The following ZNF142 variants were observed in gnomAD, a reference collection of about 807,000 sequenced individuals.
ZNF142 encodes the protein zinc finger protein 142 (clone pHZ-49).
A neutral mutation model predicts 132.1 loss-of-function variants in ZNF142; 96 were observed. The observed-to-expected ratio is 0.73, with a 90% CI of 0.62 to 0.86. ZNF142 has a LOEUF of 0.86. Among genes scored for constraint, ZNF142 ranks in the 40% least tolerant of loss-of-function variants. The pLI is 0.00. For missense variants in ZNF142, 2,163 were observed against 2,336.2 expected (o/e 0.93, Z 1.53); for synonymous variants, 842 against 890.1 (o/e 0.95, Z 0.96).
At position 218,644,340 on chromosome 2, in the gene ZNF142, G is replaced by C. The variant is rs1340628293; in HGVS notation, c.2776C>G (p.Leu926Val). Reference sequence around the variant, plus strand: ...AGTCCATCTGGCCCTTCCAGTCCCAGGGGCCTGAACTCCATAGGGGCTGTT... The same window carrying C: ...AGTCCATCTGGCCCTTCCAGTCCCACGGGCCTGAACTCCATAGGGGCTGTT... Reference protein sequence around the residue: ...TETAPMEFRPLGLEGPDGLEG... With the variant: ...TETAPMEFRPVGLEGPDGLEG... Residue 926 changes from leucine to valine, a missense_variant, in exon 9 of 11, where the codon CTG (leucine) becomes GTG (valine). By Grantham distance (32) the Leu-to-Val change is conservative (BLOSUM62 1). Transcript: ENST00000411696. The surrounding 1 kb of genome is among the most constrained non-coding windows in gnomAD (Gnocchi z 4.6). 1 of 1,614,006 alleles carries C rather than the reference G, an allele frequency of 6.2e-7. No homozygotes were observed. Among genetic ancestry groups the C allele is most frequent in the East Asian group, 2.2e-5 (1 of 44,886 alleles).
At position 218,634,733 on chromosome 2, in the gene ZNF142, T is replaced by C. The variant is rs1664207488; in HGVS notation, c.*3606A>G. ...CGGAATGTAGAGGCCGGATAGCCTA[T>C]TAACAGTGTCTAGTTTTAGCTTTTG... is the stretch of plus-strand genomic sequence containing the variant. On this transcript the variant is annotated 3_prime_UTR_variant, in exon 11 of 11. Coordinates refer to ENST00000411696, the MANE Select transcript of ZNF142 (RefSeq NM_001379659.1). The surrounding 1 kb of genome is among the most constrained non-coding windows in gnomAD (Gnocchi z 4.0). The C allele has an allele frequency of 6.8e-6, 9 of 1,328,344 alleles. No homozygotes were observed. Among genetic ancestry groups the C allele is most frequent in the Non-Finnish European group, 1.0e-6 (1 of 963,680 alleles). 82.3% of individuals were successfully genotyped at this position (1,328,344 alleles called of 1,614,324 possible).
intron 3 of ZNF142, among the ~76,000 whole-genome samples, chr2:218,657,531 C>T (rs535672151): frequency 5.3e-5 from 8 of 152,228 alleles, no homozygotes; most frequent in Admixed American, 3.9e-4. Flanking sequence ...TGGGTTCAAG[C>T]GATTCTCCTG....
chr2:218,638,487 T>A lies in ZNF142; in HGVS notation c.5516A>T (p.His1839Leu), dbSNP rs762898553. 1.9e-6 allele frequency: 3 copies of A among 1,603,196 alleles called. No homozygotes were observed. The Admixed American group carries it at 5.0e-5, about 27-fold the overall frequency. The change falls in exon 11 of 11, where the codon CAC becomes CTC. Residue 1839 changes from histidine to leucine, a missense_variant. Around this residue, in one of 7 missense-constraint regions of ZNF142, gnomAD observed 325 missense variants for 367.8 expected, o/e 0.88. Transcript: ENST00000411696. ...TTGGTCAGGGTGGTGCCTGCGTACG[T>A]GCTTGACCACCTGGAACTTTTGCTT... ...KAKQKFQVVK[H>L]VRRHHPDQAD...
rs1575046629 is a variant in ZNF142 at position 218,635,957 on chromosome 2, G to A, written c.*2382C>T. ...GTGAGAAACTGGCAGTGCTGGGGAGGTGGGGGTAGGAGCATGATTAGTTTT... is the reference window on the plus strand; with the variant it reads ...GTGAGAAACTGGCAGTGCTGGGGAGATGGGGGTAGGAGCATGATTAGTTTT... On this transcript the variant is annotated 3_prime_UTR_variant, in exon 11 of 11. Transcript: ENST00000411696. 1 of 1,613,958 alleles carries A rather than the reference G, an allele frequency of 6.2e-7. No individual in the cohort carries two copies.
chr2:218,644,692 G>C lies in ZNF142; in HGVS notation c.2424C>G (p.Arg808=), dbSNP rs199870407. ...CCCCTTCTGGCTCCTGGCTTGCATA[G>C]CGGAGCTGCCAGGCCTGGTCTCCAG... ...YVPGDQAWQL[R]YASQEPEGAM... The change falls in exon 9 of 11, where the codon CGC becomes CGG. Residue 808 remains arginine (R), a synonymous_variant. Coordinates refer to ENST00000411696, the MANE Select transcript of ZNF142 (RefSeq NM_001379659.1). The surrounding 1 kb of genome is among the most constrained non-coding windows in gnomAD (Gnocchi z 4.6). The C allele has an allele frequency of 1.2e-6, 2 of 1,614,226 alleles. No homozygotes were observed. Among genetic ancestry groups the C allele is most frequent in the South Asian group, 2.2e-5 (2 of 91,090 alleles).
At position 218,644,838 on chromosome 2, in the gene ZNF142, G is replaced by GCA. The variant is rs776148785; in HGVS notation, c.2276_2277dup (p.Leu760CysfsTer2). The GCA allele has an allele frequency of 6.2e-7, 1 of 1,614,126 alleles. No homozygotes were observed. Among genetic ancestry groups the GCA allele is most frequent in the East Asian group, 2.2e-5 (1 of 44,902 alleles). On this transcript the variant is annotated frameshift_variant, in exon 9 of 11. Transcript: ENST00000411696. LOFTEE classifies it high-confidence loss of function. This position sits in a 1 kb window ranked among gnomAD's most constrained non-coding sequence, Gnocchi z 4.6. ...GTATGCTTGCAGTTCTCATGGCTCA[G>GCA]CACAGCCTGCTTGTGGCGGCTCTGG...
At chr2:218,649,967 A>G (rs1255235766) in intron 6 of ZNF142, among the ~76,000 whole-genome samples, 1 of 152,222 alleles carries the variant, frequency 6.6e-6, no homozygotes, top group Non-Finnish European at 1.5e-5. Context: ...ATGACTTTCA[A>G]ATATTCTACT....
At chr2:218,645,174 T>C (rs1391370293) in intron 8 of ZNF142, 110 bp from the exon 9 acceptor site, 1 of 1,344,048 alleles carries the variant, frequency 7.4e-7, no homozygotes, top group South Asian at 1.4e-5. Context: ...ATCATACATG[T>C]GTCACCTGAT....
chr2:218,634,247 GA>G lies in ZNF142; in HGVS notation c.*4091del, dbSNP rs1376360377. 3 of 1,595,660 alleles carry G rather than the reference GA, an allele frequency of 1.9e-6. No homozygotes were observed. In the African/African-American group the frequency reaches 4.0e-5, roughly 21 times the overall value. On this transcript the variant is annotated 3_prime_UTR_variant, in exon 11 of 11. Transcript: ENST00000411696. The surrounding 1 kb of genome is among the most constrained non-coding windows in gnomAD (Gnocchi z 4.0). The stretch of plus-strand genomic sequence containing the variant: ...GTGAGGAGGCAGCAGGGACTGGGAA[GA>G]GGGAGTGGAGGAGCAGCAGGTGGGA...
Position 218,636,773 on chromosome 2 carries a change from CCTTT to C in ZNF142, c.*1562_*1565del, listed in dbSNP as rs1414588089. On this transcript the variant is annotated 3_prime_UTR_variant, in exon 11 of 11. Coordinates refer to ENST00000411696, the MANE Select transcript of ZNF142 (RefSeq NM_001379659.1). ...CACCTTTTTTCTCTTTTCTTCCCTT[CCTTT>C]GTTTTCATAAGCCTTTGGTATCTTT... The C allele has an allele frequency of 1.1e-5, 7 of 664,254 alleles. No individual in the cohort carries two copies. The highest frequency in any genetic ancestry group is 4.9e-5 in the Admixed American group (2 of 40,870). The allele number at this position is 664,254 out of a possible 1,614,324, so 41.1% of individuals were successfully genotyped here. A position where few individuals can be genotyped will look rare whatever the true frequency, so the allele number is the denominator to read the frequency against.
Position 218,649,424 on chromosome 2 carries a change from TC to T in ZNF142, c.1083del (p.Thr362ProfsTer107). 1 of 1,609,966 alleles carries T rather than the reference TC, an allele frequency of 6.2e-7. No homozygotes were observed. Among genetic ancestry groups the T allele is most frequent in the Non-Finnish European group, 8.5e-7 (1 of 1,177,664 alleles). ...DVVSGTESLF[K>X]THMCPECKRC... ...CGCTTACACTCTGGACACATATGGGTCTTGAAGAGGGACTCGGTGCCAGAGA... is the reference window on the plus strand; with the variant it reads ...CGCTTACACTCTGGACACATATGGGTTTGAAGAGGGACTCGGTGCCAGAGA... On this transcript the variant is annotated frameshift_variant, in exon 7 of 11. Transcript: ENST00000411696. LOFTEE classifies it high-confidence loss of function.
rs535052100 is a variant in ZNF142, at chr2:218,658,036, G to A, written c.-35+665C>T. Among the ~76,000 whole-genome samples the A allele has an allele frequency of 1.3e-4, 20 of 152,056 alleles. No homozygotes were observed. In the East Asian group the frequency reaches 3.5e-3, roughly 26 times the overall value. On this transcript the variant is annotated intron_variant, in intron 3 of 10. Transcript: ENST00000411696. ...AAACCAGTGGTTCCTCACCTATAAC[G>A]TAACACATTTGGAGAAATTTCAAAC...
Position 218,644,876 on chromosome 2 carries a change from T to C in ZNF142, c.2240A>G (p.His747Arg). ...GTGGCGGCTCTGGTAACTGCAGTAG[T>C]GGCAAGGGTAGAGTGGGGCCGGTGT... ...PGTPAPLYPC[H>R]YCSYQSRHKQ... is the part of the protein sequence containing the mutation. The change falls in exon 9 of 11, where the codon CAC (histidine) becomes CGC (arginine). Residue 747 changes from histidine to arginine, a missense_variant. This residue lies in a region of ZNF142 where 749 missense variants were observed against 830.3 expected (regional missense o/e 0.90). Coordinates refer to ENST00000411696, the MANE Select transcript of ZNF142 (RefSeq NM_001379659.1). The surrounding 1 kb of genome is among the most constrained non-coding windows in gnomAD (Gnocchi z 4.6). 6.2e-7 allele frequency: 1 copy of C among 1,614,064 alleles called. No individual in the cohort carries two copies. The highest frequency in any genetic ancestry group is 2.2e-5 in the East Asian group (1 of 44,872).
intron 8 of ZNF142, 66 bp downstream of exon 8, chr2:218,646,105 T>C: frequency 6.4e-7 from 1 of 1,569,816 alleles, no homozygotes; most frequent in South Asian, 1.2e-5. Flanking sequence ...AGAAGTTAGA[T>C]CCGAGAGGAA....
At position 218,638,866 on chromosome 2, in the gene ZNF142, A is replaced by G. The variant is rs1162343891; in HGVS notation, c.5195-58T>C. The G allele has an allele frequency of 2.9e-6, 4 of 1,369,632 alleles. No homozygotes were observed. In the African/African-American group the frequency reaches 4.3e-5, roughly 15 times the overall value. 84.8% of individuals were successfully genotyped at this position (1,369,632 alleles called of 1,614,324 possible). A position where few individuals can be genotyped will look rare whatever the true frequency, so the allele number is the denominator to read the frequency against. On this transcript the variant is annotated intron_variant, in intron 10 of 10. Coordinates refer to ENST00000411696, the MANE Select transcript of ZNF142 (RefSeq NM_001379659.1). ...GCGGTGGAGCAAGGTTTACTGGGCCATGGAGTTACTGCAATCAGTGGATAT... is the reference window on the plus strand; with the variant it reads ...GCGGTGGAGCAAGGTTTACTGGGCCGTGGAGTTACTGCAATCAGTGGATAT...
At chr2:218,653,670 T>C (rs956303578) in intron 4 of ZNF142, among the ~76,000 whole-genome samples, 1 of 151,972 alleles carries the variant, frequency 6.6e-6, no homozygotes, top group Non-Finnish European at 1.5e-5. Flanking sequence ...CACAATTTGG[T>C]GTGTTTCTTT....
rs1259731798 is a variant in ZNF142, at chr2:218,636,840, CCTT to C, written c.*1496_*1498del. 6 of 545,614 alleles carry C rather than the reference CCTT, an allele frequency of 1.1e-5. No homozygotes were observed. The highest frequency in any genetic ancestry group is 2.1e-5 in the Non-Finnish European group (6 of 285,864). 33.8% of individuals were successfully genotyped at this position (545,614 alleles called of 1,614,324 possible). On this transcript the variant is annotated 3_prime_UTR_variant, in exon 11 of 11. Transcript: ENST00000411696. The stretch of plus-strand genomic sequence containing the variant: ...CTTTGTGTACTCTATACTGGAGTTC[CCTT>C]CTTCCTCTTGCTGTAGGCTCAATCC...
At chr2:218,649,654 C>T (rs1937800901) in intron 6 of ZNF142, among the ~76,000 whole-genome samples, 195 bp from the exon 7 acceptor site, 1 of 152,220 alleles carries the variant, frequency 6.6e-6, no homozygotes, top group South Asian at 2.1e-4. Context: ...ATCACAAGGG[C>T]TTCTCAGGCC....
chr2:218,643,998 G>A lies in ZNF142; in HGVS notation c.3118C>T (p.His1040Tyr). Residue 1040 changes from histidine (H) to tyrosine (Y), a missense_variant, in exon 9 of 11, where the codon CAC (histidine) becomes TAC (tyrosine). His to Tyr is a moderately conservative substitution (Grantham distance 83). This residue lies in a region of ZNF142 where 809 missense variants were observed against 801.7 expected (regional missense o/e 1.01). Transcript: ENST00000411696. ...TCCCGGCGAGTGATAAAAGGGCAGT[G>A]TGGGCAGCGGAAGGCTCGCCCCTCT... ...QGEGRAFRCP[H>Y]CPFITRREKA... is the part of the protein sequence containing the mutation. 6.2e-7 allele frequency: 1 copy of A among 1,614,164 alleles called. No individual in the cohort carries two copies. Among genetic ancestry groups the A allele is most frequent in the South Asian group, 1.1e-5 (1 of 91,086 alleles).
Sources: gnomAD v4.1 joint callset for allele counts (sites outside exome capture counted in the v4.1 genomes callset) on GRCh38, gnomAD v4.1.1 for gene constraint, gnomAD v4.1.1 regional missense constraint, Gnocchi (gnomAD v3.1) non-coding constraint, MANE v1.5 for transcripts, NCBI Gene and HGNC (gene_info 2026-07-23, HGNC 2026-07-21) for gene names.